Variants in NCOA2 observed in about 807,000 individuals in gnomAD.
The protein encoded by NCOA2 is nuclear receptor coactivator 2.
Under a neutral mutation model 145.1 loss-of-function variants are expected in NCOA2, and 21 were observed. The ratio of observed to expected loss-of-function variants is 0.14; its 90% confidence interval spans 0.10 to 0.21. The LOEUF (loss-of-function observed/expected upper bound fraction) is 0.21, where lower values mean the gene tolerates loss of function less well. NCOA2 is among the 10% of genes least tolerant of loss of function. The pLI is 1.00. For missense variants in NCOA2, 1,472 were observed against 1,837.6 expected (o/e 0.80, Z 3.64); for synonymous variants, 619 against 637.5 (o/e 0.97, Z 0.44).
At chr8:70,235,247 TTA>T (rs1821494189) in intron 2 of NCOA2, among the ~76,000 whole-genome samples, 1 of 152,060 alleles carries the variant, frequency 6.6e-6, no homozygotes. Flanking sequence ...CTGGTCAAAT[TTA>T]TGAGACAGAA....
rs1213854420 is a variant in NCOA2 at position 70,360,942 on chromosome 8, C to CAAA, written c.-77+42755_-77+42757dup. On this transcript the variant is annotated intron_variant, in intron 1 of 22. Coordinates refer to ENST00000452400, the MANE Select transcript of NCOA2 (RefSeq NM_006540.4). ...GACAGAGTGAGTGGAGATTCCAGCT[C>CAAA]AAAAAAAAAAAAAAAAAAAAGTTAC... 4.8e-3 allele frequency among the ~76,000 whole-genome samples: 265 copies of CAAA among 55,300 alleles called. 2 individuals are homozygous for CAAA. The highest frequency in any genetic ancestry group is 8.4e-3 in the Non-Finnish European group (199 of 23,738). The allele number at this position is 55,300 out of a possible 152,430, so 36.3% of individuals were successfully genotyped here. A position where few individuals can be genotyped will look rare whatever the true frequency, so the allele number is the denominator to read the frequency against.
chr8:70,319,790 C>G (rs1323956145), intron 1 of NCOA2, among the ~76,000 whole-genome samples: 3 of 152,120 alleles, frequency 2.0e-5, no homozygotes, highest in African/African-American at 7.2e-5. Context: ...GGCTTGTTAT[C>G]TCCTAGATAT....
chr8:70,334,825 G>A (rs1241641751), intron 1 of NCOA2, among the ~76,000 whole-genome samples: 1 of 151,960 alleles, frequency 6.6e-6, no homozygotes, highest in African/African-American at 2.4e-5. Context: ...TTTTGCTCTG[G>A]TCAGATTCTC....
chr8:70,387,602 G>A (rs1046708258), intron 1 of NCOA2, among the ~76,000 whole-genome samples: 3 of 149,548 alleles, frequency 2.0e-5, no homozygotes, highest in South Asian at 2.1e-4. Flanking sequence ...CTTATAATGT[G>A]TCTTCCAAGT....
intron 8 of NCOA2, among the ~76,000 whole-genome samples, chr8:70,163,174 CA>C (rs1001890605): frequency 3.9e-5 from 6 of 152,202 alleles, no homozygotes; most frequent in African/African-American, 1.4e-4. Context: ...CTCAGCCACC[CA>C]AAGTGTTGGG....
chr8:70,405,144 G>C (rs1016117897), upstream of NCOA2, among the ~76,000 whole-genome samples: 2 of 152,178 alleles, frequency 1.3e-5, no homozygotes, highest in East Asian at 3.8e-4. Context: ...TAGTTGGAGA[G>C]GATGTGAGCC....
chr8:70,451,040 AG>A, the NCOA2 span, among the ~76,000 whole-genome samples: 3 of 149,758 alleles, frequency 2.0e-5, no homozygotes, highest in African/African-American at 7.3e-5. Context: ...ACATGGTGAA[AG>A]CCTGTCTCTA....
chr8:70,417,926 A>T, the NCOA2 span, among the ~76,000 whole-genome samples: 1 of 149,054 alleles, frequency 6.7e-6, no homozygotes, highest in Non-Finnish European at 1.5e-5. Flanking sequence ...GGCACGAGAG[A>T]GCCAAAGTGG....
the NCOA2 span, among the ~76,000 whole-genome samples, chr8:70,433,698 G>A: frequency 3.6e-4 from 55 of 152,298 alleles, no homozygotes; most frequent in African/African-American, 1.3e-3. Flanking sequence ...GGAGAGTAAA[G>A]ATCTGAGAAA....
At chr8:70,388,610 T>A (rs532615130) in intron 1 of NCOA2, among the ~76,000 whole-genome samples, 1 of 152,376 alleles carries the variant, frequency 6.6e-6, no homozygotes, top group Admixed American at 6.5e-5. Context: ...CATTTCTTTT[T>A]TAATCTTTGT....
the NCOA2 span, among the ~76,000 whole-genome samples, chr8:70,451,364 C>A: frequency 7.2e-6 from 1 of 139,492 alleles, no homozygotes; most frequent in Non-Finnish European, 1.5e-5. Context: ...GCCATGATCA[C>A]CCCACTGCAC....
intron 1 of NCOA2, among the ~76,000 whole-genome samples, chr8:70,334,936 C>T (rs148751810): frequency 1.3e-5 from 2 of 151,584 alleles, no homozygotes; most frequent in African/African-American, 4.9e-5. Flanking sequence ...CCAGCCTGAC[C>T]GACACGGTGA....
chr8:70,402,284 G>A (rs1348190088), intron 1 of NCOA2: 1 of 152,380 alleles, frequency 6.6e-6, no homozygotes, highest in Non-Finnish European at 1.5e-5. Flanking sequence ...AGTGGGATTA[G>A]AGGACGAGGT....
chr8:70,336,458 C>A (rs1459631925), intron 1 of NCOA2, among the ~76,000 whole-genome samples: 1 of 152,072 alleles, frequency 6.6e-6, no homozygotes, highest in Non-Finnish European at 1.5e-5. Flanking sequence ...CATTTTCACA[C>A]TACTATAAAG....
At chr8:70,144,609 A>C in intron 13 of NCOA2, 33 bp downstream of exon 13, 2 of 1,540,438 alleles carry the variant, frequency 1.3e-6, no homozygotes, top group Non-Finnish European at 1.8e-6. Flanking sequence ...TAAATAACCC[A>C]CCAATAAAGT....
intron 6 of NCOA2, among the ~76,000 whole-genome samples, chr8:70,169,696 C>T (rs1271741475): frequency 6.6e-6 from 1 of 152,140 alleles, no homozygotes; most frequent in Non-Finnish European, 1.5e-5. Flanking sequence ...TTTCACACTG[C>T]ATGTCTGTAT....
At chr8:70,449,525 G>C in the NCOA2 span, among the ~76,000 whole-genome samples, 1 of 152,228 alleles carries the variant, frequency 6.6e-6, no homozygotes, top group Non-Finnish European at 1.5e-5. Flanking sequence ...GCGAGCAAAG[G>C]AACACGACCA....
chr8:70,191,511 G>A (rs942152534), intron 4 of NCOA2, among the ~76,000 whole-genome samples: 2 of 152,174 alleles, frequency 1.3e-5, no homozygotes, highest in African/African-American at 4.8e-5. Context: ...TAGAAAATTA[G>A]ACTGAGTTTT....
intron 1 of NCOA2, among the ~76,000 whole-genome samples, chr8:70,385,173 TA>T (rs1381101707): frequency 6.6e-6 from 1 of 152,224 alleles, no homozygotes; most frequent in Non-Finnish European, 1.5e-5. Context: ...AAACATCCTC[TA>T]TTTGAATTTA....
Sources: allele counts gnomAD v4.1 joint callset (sites outside exome capture counted in the v4.1 genomes callset), GRCh38; gene constraint gnomAD v4.1.1; transcripts MANE v1.5; gene names NCBI Gene and HGNC (gene_info 2026-07-23, HGNC 2026-07-21).